Variants in PECAM1 observed in about 807,000 individuals in gnomAD.
The protein encoded by PECAM1 is platelet and endothelial cell adhesion molecule 1.
Under a neutral mutation model 13.8 loss-of-function variants are expected in PECAM1, and 8 were observed. The ratio of observed to expected loss-of-function variants is 0.58; its 90% CI spans 0.34 to 1.05. The LOEUF (loss-of-function observed/expected upper bound fraction) is 1.05. Among genes scored for constraint, PECAM1 ranks in the 50% least tolerant of loss-of-function variants. The pLI is 0.03. For synonymous variants in PECAM1, 136 were observed against 52.6 expected (o/e 2.58, Z -6.86); for missense variants, 304 against 141.2 (o/e 2.15, Z -5.84).
chr17:64,338,982 T>G (rs2035357178), intron 14 of PECAM1, among the ~76,000 whole-genome samples: 1 of 152,104 alleles, frequency 6.6e-6, no homozygotes, highest in Non-Finnish European at 1.5e-5. Context: ...AATCTGCTTG[T>G]CCAATTCGCA....
chr17:64,387,902 G>A (rs1411579235), intron 2 of PECAM1, among the ~76,000 whole-genome samples: 1 of 152,202 alleles, frequency 6.6e-6, no homozygotes, highest in Non-Finnish European at 1.5e-5. Context: ...CTCAGAGCAA[G>A]CCTGCAGGCC....
intron 2 of PECAM1, among the ~76,000 whole-genome samples, chr17:64,388,415 C>A (rs1242511275): frequency 6.6e-6 from 1 of 152,264 alleles, no homozygotes; most frequent in African/African-American, 2.4e-5. Context: ...TATCAATCAC[C>A]TCGAGGCGGG....
intron 14 of PECAM1, among the ~76,000 whole-genome samples, chr17:64,333,776 G>T (rs936549481): frequency 7.9e-5 from 12 of 151,696 alleles, no homozygotes; most frequent in Non-Finnish European, 4.4e-5. Context: ...TGGCCAATGT[G>T]ACGAAACCCC....
intron 2 of PECAM1, among the ~76,000 whole-genome samples, chr17:64,386,943 A>G (rs1321751000): frequency 6.6e-6 from 1 of 151,898 alleles, no homozygotes; most frequent in African/African-American, 2.4e-5. Flanking sequence ...AGGAGTGTGA[A>G]CTTAGGGGAG....
At chr17:64,337,390 G>T (rs1025418569) in intron 14 of PECAM1, among the ~76,000 whole-genome samples, 177 of 152,328 alleles carry the variant, frequency 1.2e-3, no homozygotes, top group Admixed American at 2.0e-3. Context: ...TAGGGCTCAA[G>T]TTCCTCCTGT....
At chr17:64,325,065 T>C (rs1210355925) in intron 15 of PECAM1, among the ~76,000 whole-genome samples, 1 of 152,252 alleles carries the variant, frequency 6.6e-6, no homozygotes, top group Non-Finnish European at 1.5e-5. Context: ...AATTATACAC[T>C]TTAAAATGGT....
At chr17:64,333,019 G>T (rs1568005615) in intron 14 of PECAM1, among the ~76,000 whole-genome samples, 2 of 152,130 alleles carry the variant, frequency 1.3e-5, no homozygotes, top group African/African-American at 4.8e-5. Context: ...TGGGCGTGGT[G>T]GTGCATGCCT....
At chr17:64,349,108 G>A (rs2035652465) in intron 12 of PECAM1, among the ~76,000 whole-genome samples, 1 of 152,142 alleles carries the variant, frequency 6.6e-6, no homozygotes, top group Admixed American at 6.5e-5. Context: ...TGGGGAACAG[G>A]GGTCACTACC....
intron 3 of PECAM1, 102 bp from the exon 4 acceptor site, chr17:64,375,458 T>C: frequency 2.5e-6 from 1 of 398,268 alleles, no homozygotes; most frequent in Non-Finnish European, 4.4e-6. Flanking sequence ...GCTGAGTGAC[T>C]GTAGTTGACC....
At chr17:64,378,573 C>T (rs1226670075) in intron 2 of PECAM1, among the ~76,000 whole-genome samples, 3 of 150,796 alleles carry the variant, frequency 2.0e-5, no homozygotes, top group Non-Finnish European at 4.4e-5. Context: ...ACCTGGGAGG[C>T]GGGGGTTGCA....
intron 7 of PECAM1, among the ~76,000 whole-genome samples, chr17:64,358,111 C>CGTTTTTTTT (rs2035887938): frequency 1.4e-5 from 1 of 71,534 alleles, no homozygotes. Flanking sequence ...TGGCCACAGT[C>CGTTTTTTTT]TTTTTTTTTT....
chr17:64,349,328 C>T (rs1446689372), intron 12 of PECAM1, among the ~76,000 whole-genome samples: 2 of 152,154 alleles, frequency 1.3e-5, no homozygotes, highest in Admixed American at 1.3e-4. Context: ...TGGCTCATGC[C>T]TGTAATCCCA....
Position 64,329,783 on chromosome 17 carries a change from A to G in PECAM1, c.2165-61T>C. 4.0e-6 allele frequency: 3 copies of G among 741,104 alleles called. 1 individual carries two copies. In the South Asian group the frequency reaches 4.3e-5, roughly 11 times the overall value. 45.9% of individuals were successfully genotyped at this position (741,104 alleles called of 1,614,324 possible). A position where few individuals can be genotyped will look rare whatever the true frequency, so the allele number is the denominator to read the frequency against. On this transcript the variant is annotated intron_variant, in intron 14 of 15. Transcript: ENST00000563924. ...CAAATAACCCAGTTCAACTGCCCCAACAACATCACAGGGTCAGGAGCAGGT... is the reference window on the plus strand; with the variant it reads ...CAAATAACCCAGTTCAACTGCCCCAGCAACATCACAGGGTCAGGAGCAGGT...
intron 4 of PECAM1, among the ~76,000 whole-genome samples, chr17:64,373,880 A>G (rs9910666): frequency 0.063 from 9,627 of 152,178 alleles, 1,019 homozygotes; most frequent in African/African-American, 0.22. Context: ...CCGGCTTGGC[A>G]AATGAGACCG....
At chr17:64,371,616 G>A (rs1479240882) in intron 4 of PECAM1, among the ~76,000 whole-genome samples, 2 of 152,176 alleles carry the variant, frequency 1.3e-5, no homozygotes, top group African/African-American at 4.8e-5. Flanking sequence ...TGGATCACGA[G>A]GTCAGGAGTT....
intron 7 of PECAM1, among the ~76,000 whole-genome samples, chr17:64,359,759 T>G (rs1284669784): frequency 1.7e-4 from 3 of 17,708 alleles, no homozygotes; most frequent in Non-Finnish European, 0.011. Flanking sequence ...CTTCTCTCGC[T>G]TTTTTTTTTT....
intron 14 of PECAM1, among the ~76,000 whole-genome samples, chr17:64,336,238 C>G (rs1260061202): frequency 6.7e-6 from 1 of 149,692 alleles, no homozygotes; most frequent in African/African-American, 2.5e-5. Flanking sequence ...TGCACTCCAG[C>G]CTGGGTGACA....
At chr17:64,331,955 G>T (rs529353562) in intron 14 of PECAM1, among the ~76,000 whole-genome samples, 3 of 152,350 alleles carry the variant, frequency 2.0e-5, no homozygotes, top group Admixed American at 2.0e-4. Flanking sequence ...CCTCAGTATA[G>T]ACCCAGCCCC....
At chr17:64,362,224 G>A (rs2035999006) in intron 6 of PECAM1, among the ~76,000 whole-genome samples, 1 of 152,212 alleles carries the variant, frequency 6.6e-6, no homozygotes, top group South Asian at 2.1e-4. Context: ...ATCATAACCT[G>A]TATTTTAACC....
Sources: allele counts gnomAD v4.1 joint callset (sites outside exome capture counted in the v4.1 genomes callset), GRCh38; gene constraint gnomAD v4.1.1; transcripts MANE v1.5; gene names NCBI Gene and HGNC (gene_info 2026-07-23, HGNC 2026-07-21).